Variants in BRINP3 observed in about 807,000 individuals in gnomAD.
The protein encoded by BRINP3 is BMP/retinoic acid inducible neural specific 3, also known as BMP/retinoic acid-inducible neural-specific protein 3.
A neutral mutation model predicts 71.0 loss-of-function variants in BRINP3; 19 were observed. The ratio of observed to expected loss-of-function variants is 0.27; its 90% CI spans 0.19 to 0.39. The LOEUF (loss-of-function observed/expected upper bound fraction) is 0.39. Among genes scored for constraint, BRINP3 ranks in the 10% least tolerant of loss-of-function variants. BRINP3 has a pLI of 1.00. For missense variants in BRINP3, 959 were observed against 940.8 expected, an observed-to-expected ratio of 1.02 and a Z score of -0.25; for synonymous variants, 380 against 337.7, an observed-to-expected ratio of 1.13 and a Z score of -1.37.
chr1:190,198,583 A>G (rs149709857), intron 6 of BRINP3, among the ~76,000 whole-genome samples: 1 of 152,226 alleles, frequency 6.6e-6, no homozygotes, highest in Admixed American at 6.5e-5. Context: ...GATGCCCTAA[A>G]TCATCTCTGT....
At chr1:190,421,370 ACT>A (rs1558271807) in intron 2 of BRINP3, among the ~76,000 whole-genome samples, 2 of 149,842 alleles carry the variant, frequency 1.3e-5, no homozygotes, top group Admixed American at 6.7e-5. Context: ...TTTTTGGGTA[ACT>A]CTGGGTTTTG....
At chr1:190,308,377 G>A (rs959300076) in intron 2 of BRINP3, among the ~76,000 whole-genome samples, 4 of 151,804 alleles carry the variant, frequency 2.6e-5, no homozygotes, top group Non-Finnish European at 5.9e-5. Context: ...TCTTGCGACA[G>A]TTTGCTGAGA....
At chr1:190,251,971 T>C (rs1021828149) in intron 4 of BRINP3, among the ~76,000 whole-genome samples, 1 of 152,060 alleles carries the variant, frequency 6.6e-6, no homozygotes, top group Non-Finnish European at 1.5e-5. Context: ...TTTGAAAACA[T>C]TGAGTTCTTA....
At chr1:190,159,409 T>C (rs996716724) in intron 7 of BRINP3, among the ~76,000 whole-genome samples, 2 of 152,088 alleles carry the variant, frequency 1.3e-5, no homozygotes, top group African/African-American at 2.4e-5. Flanking sequence ...CATAAAAAAG[T>C]GTACATGAAT....
intron 7 of BRINP3, among the ~76,000 whole-genome samples, chr1:190,138,630 C>T (rs921831235): frequency 3.9e-5 from 6 of 152,110 alleles, no homozygotes; most frequent in South Asian, 2.1e-4. Context: ...AATAATTGAA[C>T]GCTGTGAAAC....
At chr1:190,292,394 C>T (rs543691752) in intron 2 of BRINP3, among the ~76,000 whole-genome samples, 1 of 152,226 alleles carries the variant, frequency 6.6e-6, no homozygotes, top group East Asian at 1.9e-4. Flanking sequence ...TCGCTCATGC[C>T]TGTAATCCTG....
In BRINP3 at chr1:190,477,472, A is replaced by G. The variant is rs1002596754; in HGVS notation, c.-75T>C. 6.6e-5 allele frequency: 10 copies of G among 152,250 alleles called. No homozygotes were observed. The highest frequency in any genetic ancestry group is 2.4e-4 in the African/African-American group (10 of 41,468). The allele number at this position is 152,250 out of a possible 1,614,324, so 9.4% of individuals were successfully genotyped here. On this transcript the variant is annotated 5_prime_UTR_variant, in exon 1 of 8. Coordinates refer to ENST00000367462, the MANE Select transcript of BRINP3 (RefSeq NM_199051.3). ...CCAGAGGAAATTTCAGGAAGCAAGA[A>G]GACTGTGAGAAAAATACATCCAGGA... is the stretch of plus-strand genomic sequence containing the variant.
At chr1:190,215,032 A>G (rs2102663343) in intron 6 of BRINP3, among the ~76,000 whole-genome samples, 1 of 151,502 alleles carries the variant, frequency 6.6e-6, no homozygotes, top group African/African-American at 2.4e-5. Context: ...TAATGCTTTT[A>G]TAAGTATGTT....
At chr1:190,360,023 T>A (rs567282640) in intron 2 of BRINP3, among the ~76,000 whole-genome samples, 17 of 152,268 alleles carry the variant, frequency 1.1e-4, no homozygotes, top group Non-Finnish European at 1.9e-4. Flanking sequence ...CTTCAGGCTA[T>A]AAAGGATTAA....
chr1:190,412,673 G>A (rs935277415), intron 2 of BRINP3, among the ~76,000 whole-genome samples: 8 of 150,828 alleles, frequency 5.3e-5, no homozygotes, highest in Non-Finnish European at 8.9e-5. Flanking sequence ...CGTTTTAGCC[G>A]GGATGGTCTC....
intron 6 of BRINP3, among the ~76,000 whole-genome samples, chr1:190,216,037 G>A (rs141370291): frequency 6.6e-6 from 1 of 150,970 alleles, no homozygotes; most frequent in East Asian, 1.9e-4. Context: ...AACAACTGGG[G>A]ATAACTCAGA....
At chr1:190,405,323 C>T (rs1040504158) in intron 2 of BRINP3, among the ~76,000 whole-genome samples, 8 of 151,342 alleles carry the variant, frequency 5.3e-5, no homozygotes, top group Admixed American at 4.0e-4. Context: ...TGGTGGCGGG[C>T]GCCTGTAGTC....
chr1:190,331,334 A>C (rs1052749252), intron 2 of BRINP3, among the ~76,000 whole-genome samples: 1 of 152,050 alleles, frequency 6.6e-6, no homozygotes, highest in South Asian at 2.1e-4. Flanking sequence ...ACCTATGCAT[A>C]ATAACCACTT....
intron 1 of BRINP3, among the ~76,000 whole-genome samples, chr1:190,461,471 C>T (rs1676396256): frequency 6.6e-6 from 1 of 152,146 alleles, no homozygotes; most frequent in Non-Finnish European, 1.5e-5. Context: ...GGTACATTTA[C>T]ATGATATTTG....
At chr1:190,265,141 T>C in intron 3 of BRINP3, 86 bp from the exon 4 acceptor site, 1 of 1,214,576 alleles carries the variant, frequency 8.2e-7, no homozygotes, top group Non-Finnish European at 1.1e-6. Flanking sequence ...GTCTAGCTTA[T>C]GAATATAGTA....
intron 7 of BRINP3, among the ~76,000 whole-genome samples, chr1:190,105,286 T>TAC (rs1265069844): frequency 1.3e-5 from 2 of 151,682 alleles, no homozygotes; most frequent in Non-Finnish European, 2.9e-5. Flanking sequence ...CTCAAGAAAG[T>TAC]ACACACACAC....
intron 2 of BRINP3, among the ~76,000 whole-genome samples, chr1:190,427,132 CACTT>C (rs1673761503): frequency 6.6e-6 from 1 of 151,754 alleles, no homozygotes; most frequent in Non-Finnish European, 1.5e-5. Flanking sequence ...GATTTGAAAA[CACTT>C]ATATTTATCT....
chr1:190,292,533 A>G (rs553446273), intron 2 of BRINP3, among the ~76,000 whole-genome samples: 4 of 152,142 alleles, frequency 2.6e-5, no homozygotes, highest in Middle Eastern at 3.4e-3. Flanking sequence ...CTGTAGTCCT[A>G]TCTACTCAAG....
At chr1:190,362,747 T>C (rs1233088903) in intron 2 of BRINP3, among the ~76,000 whole-genome samples, 6 of 152,184 alleles carry the variant, frequency 3.9e-5, no homozygotes, top group Non-Finnish European at 7.3e-5. Flanking sequence ...CCCTTTTGCT[T>C]TCCTCTCATT....
Sources: allele counts gnomAD v4.1 joint callset (sites outside exome capture counted in the v4.1 genomes callset), GRCh38; gene constraint gnomAD v4.1.1; transcripts MANE v1.5; gene names NCBI Gene and HGNC (gene_info 2026-07-23, HGNC 2026-07-21).